EFCAB13: variants seen among roughly 807,000 people sequenced by gnomAD.
The protein encoded by EFCAB13 is EF-hand calcium binding domain 13.
EFCAB13 carries 91 observed loss-of-function variants against 110.2 expected under a neutral mutation model. That is an observed-to-expected ratio of 0.83 (90% CI 0.70 to 0.98). The LOEUF (loss-of-function observed/expected upper bound fraction) is 0.98. EFCAB13 is among the 50% of genes least tolerant of loss of function. The pLI is 0.00. For synonymous variants in EFCAB13, 323 were observed against 369.9 expected, an observed-to-expected ratio of 0.87 and a Z score of 1.45; for missense variants, 968 against 1,119.4, an observed-to-expected ratio of 0.86 and a Z score of 1.93.
intron 24 of EFCAB13, among the ~76,000 whole-genome samples, chr17:47,437,717 A>T (rs1049112120): frequency 6.6e-6 from 1 of 152,134 alleles, no homozygotes; most frequent in Non-Finnish European, 1.5e-5. Context: ...CCCATTCTGC[A>T]GTTCTGTATC....
intron 23 of EFCAB13, chr17:47,423,453 T>G: frequency 5.0e-6 from 1 of 198,056 alleles, no homozygotes; most frequent in Non-Finnish European, 1.0e-5. Context: ...CGGGGCGGAG[T>G]TGGCCACCGC....
Position 47,421,263 on chromosome 17 carries a change from G to T in EFCAB13, c.2494+6344G>T, listed in dbSNP as rs977905052. Among the ~76,000 whole-genome samples the T allele has an allele frequency of 4.6e-5, 7 of 152,208 alleles. No homozygotes were observed. The South Asian group carries it at 1.2e-3, about 27-fold the overall frequency. ...TGGTTGCCGTGTCTGTGTAGAAAGA[G>T]GTAGACATGGGAGACTTTTCATTTT... On this transcript the variant is annotated intron_variant, in intron 23 of 24. Transcript: ENST00000331493.
intron 3 of EFCAB13, among the ~76,000 whole-genome samples, chr17:47,327,863 A>G (rs950451294): frequency 3.3e-5 from 5 of 152,142 alleles, no homozygotes; most frequent in Admixed American, 2.0e-4. Context: ...TGTCTCTACT[A>G]TTTGCTGGCT....
intron 23 of EFCAB13, among the ~76,000 whole-genome samples, chr17:47,426,075 C>CAT (rs1171726724): frequency 6.6e-6 from 1 of 152,090 alleles, no homozygotes; most frequent in Non-Finnish European, 1.5e-5. Context: ...TCAGTGTACC[C>CAT]ATGATGGAAG....
At position 47,402,918 on chromosome 17, in the gene EFCAB13, T is replaced by C. The variant is rs578231994; in HGVS notation, c.2017+715T>C. ...CAGCAGCAGAAAGACAGGAAAATGC[T>C]ATTCTGCTTCCTGGTCTTACAGTAT... On this transcript the variant is annotated intron_variant, in intron 18 of 24. Transcript: ENST00000331493. 2.8e-4 allele frequency among the ~76,000 whole-genome samples: 42 copies of C among 152,346 alleles called. 2 individuals carry two copies. In the South Asian group the frequency reaches 8.1e-3, roughly 29 times the overall value.
At chr17:47,396,401 T>G (rs1031463499) in intron 17 of EFCAB13, among the ~76,000 whole-genome samples, 1 of 151,906 alleles carries the variant, frequency 6.6e-6, no homozygotes, top group Non-Finnish European at 1.5e-5. Context: ...AGCTACCACC[T>G]CTATTTAGCA....
intron 9 of EFCAB13, among the ~76,000 whole-genome samples, chr17:47,353,016 TCAA>T (rs2065461913): frequency 6.6e-6 from 1 of 152,178 alleles, no homozygotes; most frequent in Admixed American, 6.5e-5. Context: ...GATTATATCA[TCAA>T]CAAACAGACA....
At chr17:47,409,915 G>T (rs1213170527) in intron 21 of EFCAB13, among the ~76,000 whole-genome samples, 1 of 152,046 alleles carries the variant, frequency 6.6e-6, no homozygotes, top group East Asian at 1.9e-4. Flanking sequence ...TATCTTTCTA[G>T]CGTTATTTTG....
rs1183425559 is a variant in EFCAB13, at chr17:47,374,844, G to A, written c.1250G>A (p.Ser417Asn). The A allele has an allele frequency of 1.2e-6, 2 of 1,613,886 alleles. No homozygotes were observed. The highest frequency in any genetic ancestry group is 1.7e-6 in the Non-Finnish European group (2 of 1,179,956). ...PQSLKSSTSL[S>N]KSLDKSDISS... ...AGCTTGAAGAGTAGTACAAGCCTCAGTAAGTCTCTGGATAAAAGTGATATT... is the reference window on the plus strand; with the variant it reads ...AGCTTGAAGAGTAGTACAAGCCTCAATAAGTCTCTGGATAAAAGTGATATT... Residue 417 changes from serine (S) to asparagine (N), a missense_variant, in exon 12 of 25, where the codon AGT becomes AAT. Coordinates refer to ENST00000331493, the MANE Select transcript of EFCAB13 (RefSeq NM_152347.5).
At chr17:47,386,190 C>T (rs1380340008) in intron 14 of EFCAB13, among the ~76,000 whole-genome samples, 1 of 152,230 alleles carries the variant, frequency 6.6e-6, no homozygotes. Flanking sequence ...GGATCTGCTG[C>T]TCTCTTCAGA....
At chr17:47,385,625 C>T (rs1007470248) in intron 14 of EFCAB13, among the ~76,000 whole-genome samples, 3 of 152,006 alleles carry the variant, frequency 2.0e-5, no homozygotes, top group African/African-American at 7.3e-5. Flanking sequence ...TTATTACCCA[C>T]CTTCTGAAGC....
At chr17:47,393,747 AAT>A (rs1567797016) in intron 15 of EFCAB13, among the ~76,000 whole-genome samples, 1 of 138,826 alleles carries the variant, frequency 7.2e-6, no homozygotes, top group African/African-American at 2.5e-5. Context: ...TAAATAAATA[AAT>A]AAATAAAAAT....
At chr17:47,370,172 T>A (rs552455379) in intron 10 of EFCAB13, among the ~76,000 whole-genome samples, 4 of 152,090 alleles carry the variant, frequency 2.6e-5, no homozygotes, top group African/African-American at 9.7e-5. Context: ...TGAAAAAATA[T>A]CCTGATTAGC....
intron 24 of EFCAB13, among the ~76,000 whole-genome samples, chr17:47,435,698 C>G (rs1015331886): frequency 7.3e-6 from 1 of 136,146 alleles, no homozygotes; most frequent in African/African-American, 2.9e-5. Context: ...CAGGAGGAGT[C>G]CTTAGGGTTT....
chr17:47,376,880 A>AGTTGT (rs2065618280), intron 12 of EFCAB13, among the ~76,000 whole-genome samples: 1 of 152,038 alleles, frequency 6.6e-6, no homozygotes, highest in African/African-American at 2.4e-5. Flanking sequence ...CTTGTATAAT[A>AGTTGT]CTCTTCATTT....
intron 24 of EFCAB13, chr17:47,430,178 C>T: frequency 8.6e-7 from 1 of 1,158,606 alleles, no homozygotes; most frequent in Non-Finnish European, 1.1e-6. Flanking sequence ...TGTGTGAGTC[C>T]ACTGACAGTA....
intron 10 of EFCAB13, among the ~76,000 whole-genome samples, chr17:47,363,026 G>A (rs928441723): frequency 1.1e-4 from 17 of 151,992 alleles, no homozygotes; most frequent in African/African-American, 2.9e-4. Flanking sequence ...TCTCGTCTCC[G>A]CACACGGGGA....
At chr17:47,347,005 TC>T (rs1273456038) in intron 8 of EFCAB13, among the ~76,000 whole-genome samples, 1 of 152,178 alleles carries the variant, frequency 6.6e-6, no homozygotes, top group Non-Finnish European at 1.5e-5. Context: ...ATGCCTGTAT[TC>T]CCAGCACTGC....
At chr17:47,408,253 A>G (rs2065815394) in intron 20 of EFCAB13, among the ~76,000 whole-genome samples, 1 of 152,184 alleles carries the variant, frequency 6.6e-6, no homozygotes, top group Admixed American at 6.5e-5. Context: ...ATTTACAAAG[A>G]ATTTACCTGA....
Sources: allele counts gnomAD v4.1 joint callset (sites outside exome capture counted in the v4.1 genomes callset), GRCh38; gene constraint gnomAD v4.1.1; transcripts MANE v1.5; gene names NCBI Gene and HGNC (gene_info 2026-07-23, HGNC 2026-07-21).